The following RIMS1 variants were observed in gnomAD, a reference collection of about 807,000 sequenced individuals.
RIMS1 encodes the protein regulating synaptic membrane exocytosis protein 1.
In RIMS1, 83 loss-of-function variants were observed where a neutral mutation model predicts 214.1. The ratio of observed to expected loss-of-function variants is 0.39; its 90% CI spans 0.32 to 0.47. RIMS1 has a LOEUF of 0.47. Among genes scored for constraint, RIMS1 ranks in the 20% least tolerant of loss-of-function variants. RIMS1 has a pLI of 0.99. For missense variants in RIMS1, 2,050 were observed against 2,161.8 expected (o/e 0.95, Z 1.03); for synonymous variants, 793 against 786.8 (o/e 1.01, Z -0.13).
At chr6:72,336,592 C>G (rs2096853155) in intron 29 of RIMS1, among the ~76,000 whole-genome samples, 1 of 151,768 alleles carries the variant, frequency 6.6e-6, no homozygotes, top group African/African-American at 2.4e-5. Context: ...TGACTTCTCT[C>G]TACAACTCAG....
intron 1 of RIMS1, among the ~76,000 whole-genome samples, chr6:71,888,075 G>A (rs1266618239): frequency 4.6e-5 from 7 of 152,170 alleles, no homozygotes. Flanking sequence ...CCATTTTCCT[G>A]GTGATGGGGA....
chr6:72,291,616 G>A (rs540040079), intron 25 of RIMS1, among the ~76,000 whole-genome samples: 5 of 152,162 alleles, frequency 3.3e-5, no homozygotes, highest in Non-Finnish European at 5.9e-5. Context: ...AGATGTATTT[G>A]GTTCAGTACT....
At chr6:72,263,587 A>T in intron 19 of RIMS1, 1 of 985,418 alleles carries the variant, frequency 1.0e-6, no homozygotes, top group Non-Finnish European at 1.2e-6. Flanking sequence ...AGCAATGCTT[A>T]GAAAAGTTTT....
chr6:72,133,282 T>C (rs1330542960), intron 4 of RIMS1, among the ~76,000 whole-genome samples: 1 of 151,512 alleles, frequency 6.6e-6, no homozygotes, highest in Non-Finnish European at 1.5e-5. Context: ...CAGGCTAGAA[T>C]GCAGTGGCTC....
intron 2 of RIMS1, among the ~76,000 whole-genome samples, chr6:72,075,951 T>A (rs76465471): frequency 6.6e-6 from 1 of 152,052 alleles, no homozygotes; most frequent in African/African-American, 2.4e-5. Flanking sequence ...AAAAAAGAAA[T>A]AAAAAAATTC....
intron 2 of RIMS1, among the ~76,000 whole-genome samples, chr6:72,013,869 T>C (rs532361793): frequency 2.6e-5 from 4 of 152,200 alleles, no homozygotes; most frequent in Admixed American, 6.5e-5. Context: ...CCCATACTTA[T>C]TAGCAATTGT....
intron 6 of RIMS1, among the ~76,000 whole-genome samples, chr6:72,228,333 A>G (rs2154070829): frequency 6.6e-6 from 1 of 152,012 alleles, no homozygotes; most frequent in Non-Finnish European, 1.5e-5. Context: ...ATCTGCTAGC[A>G]ACCACCACTC....
At chr6:72,373,298 T>A (rs1251029483) in intron 29 of RIMS1, among the ~76,000 whole-genome samples, 1 of 152,212 alleles carries the variant, frequency 6.6e-6, no homozygotes, top group Non-Finnish European at 1.5e-5. Flanking sequence ...TTCTTATAAA[T>A]ATACTCCTGC....
At chr6:72,343,861 G>A (rs1352874545) in intron 29 of RIMS1, among the ~76,000 whole-genome samples, 1 of 151,456 alleles carries the variant, frequency 6.6e-6, no homozygotes, top group Non-Finnish European at 1.5e-5. Context: ...AAGTGTTTAT[G>A]AATTTCCAAG....
chr6:72,167,057 GT>G (rs1445045766), intron 4 of RIMS1, among the ~76,000 whole-genome samples: 1 of 151,780 alleles, frequency 6.6e-6, no homozygotes, highest in African/African-American at 2.4e-5. Flanking sequence ...TTAGTGGTAG[GT>G]TTTTTGATGA....
chr6:72,116,936 A>C (rs1375007786), intron 4 of RIMS1, among the ~76,000 whole-genome samples: 1 of 151,962 alleles, frequency 6.6e-6, no homozygotes, highest in Non-Finnish European at 1.5e-5. Flanking sequence ...GTATATCATA[A>C]ATTCGTGTGT....
chr6:72,181,725 A>C (rs1334311842), intron 5 of RIMS1, among the ~76,000 whole-genome samples: 1 of 152,220 alleles, frequency 6.6e-6, no homozygotes, highest in Non-Finnish European at 1.5e-5. Flanking sequence ...TTCAGGGAGA[A>C]GCAAGATTGA....
rs1774678383 is a variant in RIMS1, at chr6:71,904,470, A to G, written c.164+17283A>G. On this transcript the variant is annotated intron_variant, in intron 1 of 33. Transcript: ENST00000521978. ...TTAGGCTGCCTGGGGAAGAGGATCT[A>G]GCCTTAGGAGAGGTGGCTGGCTTCA... Among the ~76,000 whole-genome samples the G allele has an allele frequency of 2.0e-5, 3 of 152,114 alleles. No individual in the cohort carries two copies. In the South Asian group the frequency reaches 6.2e-4, roughly 32 times the overall value.
At chr6:72,158,000 C>A (rs2496559) in intron 4 of RIMS1, among the ~76,000 whole-genome samples, 83,706 of 138,554 alleles carry the variant, frequency 0.6, 31,086 homozygotes, top group East Asian at 0.98. Flanking sequence ...ATAGCTTATC[C>A]CCACAAATAT....
intron 6 of RIMS1, among the ~76,000 whole-genome samples, chr6:72,222,947 T>TGATTTGTTTGTTTTTGTG (rs2058992297): frequency 6.6e-6 from 1 of 152,200 alleles, no homozygotes; most frequent in African/African-American, 2.4e-5. Flanking sequence ...GACTCTTAGC[T>TGATTTGTTTGTTTTTGTG]GATTTGTTTG....
In RIMS1 at chr6:72,307,332, G is replaced by C; in HGVS notation, c.3925G>C (p.Gly1309Arg). ...VHRFKQTTGS[G>R]SSQELDREQY... is the part of the protein sequence containing the mutation. ...TCGATTTAAGCAGACAACAGGGTCT[G>C]GTTCTAGTCAAGAACTTGATCGCGA... Residue 1309 changes from glycine (G) to arginine (R), a missense_variant, in exon 27 of 34, where the codon GGT (glycine) becomes CGT (arginine). Physicochemically the swap from Gly to Arg is moderately radical, Grantham distance 125. This residue lies in a region of RIMS1 where 889 missense variants were observed against 885.5 expected (regional missense o/e 1.00). Coordinates refer to ENST00000521978, the MANE Select transcript of RIMS1 (RefSeq NM_014989.7). 1 of 1,604,878 alleles carries C rather than the reference G, an allele frequency of 6.2e-7. No individual in the cohort carries two copies. The highest frequency in any genetic ancestry group is 8.5e-7 in the Non-Finnish European group (1 of 1,175,632).
At chr6:72,333,866 C>G (rs1336657808) in intron 29 of RIMS1, 31 bp downstream of exon 29, 5 of 1,457,654 alleles carry the variant, frequency 3.4e-6, no homozygotes, top group Admixed American at 2.0e-5. Context: ...CTAAACAACT[C>G]AATTCTTTTA....
chr6:72,271,267 AGG>A (rs2082962972), intron 22 of RIMS1, among the ~76,000 whole-genome samples: 1 of 69,766 alleles, frequency 1.4e-5, no homozygotes, highest in Non-Finnish European at 2.7e-5. Context: ...CTCCATCTCA[AGG>A]AAAAAAAAAA....
chr6:72,189,854 T>C (rs2049771705), intron 6 of RIMS1, among the ~76,000 whole-genome samples: 1 of 152,214 alleles, frequency 6.6e-6, no homozygotes, highest in Non-Finnish European at 1.5e-5. Context: ...CACTTGATTA[T>C]TAAAATCCTT....
Sources: allele counts gnomAD v4.1 joint callset (sites outside exome capture counted in the v4.1 genomes callset), GRCh38; gene constraint gnomAD v4.1.1; regional missense constraint gnomAD v4.1.1; transcripts MANE v1.5; gene names NCBI Gene and HGNC (gene_info 2026-07-23, HGNC 2026-07-21).